The following QTGAL variants were observed in gnomAD, a reference collection of about 807,000 sequenced individuals.
QTGAL encodes BGnT-like protein 1.
chr17:83,030,711 C>G, the QTGAL span: 1 of 152,432 alleles, frequency 6.6e-6, no homozygotes, highest in Non-Finnish European at 1.5e-5. Flanking sequence ...GCGCCCGCCC[C>G]GCCTTGGCCC....
chr17:83,048,987 G>A, the QTGAL span: 16 of 554,490 alleles, frequency 2.9e-5, no homozygotes, highest in Admixed American at 4.0e-4. Context: ...GTTTTTGAAA[G>A]TGAAAAAAAA....
the QTGAL span, chr17:82,945,592 T>C: frequency 6.6e-6 from 1 of 152,338 alleles, no homozygotes; most frequent in South Asian, 2.1e-4. Flanking sequence ...AATTAAGTCA[T>C]TTAGATAAAA....
the QTGAL span, among the ~76,000 whole-genome samples, chr17:83,042,731 C>A: frequency 6.6e-6 from 1 of 152,274 alleles, no homozygotes; most frequent in South Asian, 2.1e-4. Context: ...GGACTAAATT[C>A]TCCAATTAAA....
At chr17:83,008,032 C>A in the QTGAL span, among the ~76,000 whole-genome samples, 1 of 152,252 alleles carries the variant, frequency 6.6e-6, no homozygotes, top group African/African-American at 2.4e-5. Flanking sequence ...GGAGACCTCG[C>A]GCTCTCAAGA....
the QTGAL span, among the ~76,000 whole-genome samples, chr17:82,966,752 C>T: frequency 2.0e-5 from 3 of 152,110 alleles, no homozygotes; most frequent in African/African-American, 4.8e-5. Flanking sequence ...GGAGAACATT[C>T]GTGATTATGG....
the QTGAL span, among the ~76,000 whole-genome samples, chr17:82,988,965 C>T: frequency 6.6e-6 from 1 of 152,154 alleles, no homozygotes; most frequent in East Asian, 1.9e-4. Context: ...GGATCTACAA[C>T]CAGAAATGCC....
At chr17:82,969,900 G>A in the QTGAL span, among the ~76,000 whole-genome samples, 1 of 152,040 alleles carries the variant, frequency 6.6e-6, no homozygotes, top group Non-Finnish European at 1.5e-5. Context: ...GGCTGGTCTT[G>A]AACTCCTGAG....
the QTGAL span, among the ~76,000 whole-genome samples, chr17:83,004,680 G>C: frequency 3.6e-5 from 5 of 139,848 alleles, no homozygotes; most frequent in East Asian, 6.8e-4. Context: ...ACCCTCCGCA[G>C]TCCGCGTGTG....
the QTGAL span, among the ~76,000 whole-genome samples, chr17:82,998,192 T>G: frequency 6.6e-6 from 1 of 152,148 alleles, no homozygotes; most frequent in Non-Finnish European, 1.5e-5. Context: ...GTGATTATCA[T>G]GCACTGCATG....
chr17:83,011,057 C>G, the QTGAL span, among the ~76,000 whole-genome samples: 1 of 152,230 alleles, frequency 6.6e-6, no homozygotes, highest in Non-Finnish European at 1.5e-5. Flanking sequence ...GCCAGGGCAG[C>G]CTTCGTGTTT....
chr17:83,027,722 A>AAAAAAAAAAC, the QTGAL span, among the ~76,000 whole-genome samples: 1 of 151,390 alleles, frequency 6.6e-6, no homozygotes, highest in Non-Finnish European at 1.5e-5. Context: ...AAAAAAAAAA[A>AAAAAAAAAAC]AAGCAAGCCA....
the QTGAL span, among the ~76,000 whole-genome samples, chr17:83,046,888 CAGA>C: frequency 6.6e-6 from 1 of 152,174 alleles, no homozygotes; most frequent in Non-Finnish European, 1.5e-5. Flanking sequence ...ATCATCCTCC[CAGA>C]AAAAGGAACG....
the QTGAL span, among the ~76,000 whole-genome samples, chr17:83,051,158 T>A: frequency 2.9e-5 from 1 of 33,986 alleles, no homozygotes; most frequent in Admixed American, 4.0e-4. Context: ...GGGGCAGGTG[T>A]GCGGGGGCGG....
At chr17:82,964,304 A>C in the QTGAL span, among the ~76,000 whole-genome samples, 1 of 151,418 alleles carries the variant, frequency 6.6e-6, no homozygotes, top group Non-Finnish European at 1.5e-5. Flanking sequence ...AATGAAGACT[A>C]AATTACAAAA....
chr17:82,947,387 C>A, the QTGAL span: 1 of 187,038 alleles, frequency 5.3e-6, no homozygotes, highest in Non-Finnish European at 1.1e-5. Flanking sequence ...ACAGAAACTG[C>A]ATCTCAGAAC....
At chr17:82,989,887 G>A in the QTGAL span, among the ~76,000 whole-genome samples, 6 of 152,108 alleles carry the variant, frequency 3.9e-5, no homozygotes, top group Admixed American at 6.5e-5. Context: ...TATACCACAG[G>A]AGTATATTAC....
the QTGAL span, among the ~76,000 whole-genome samples, chr17:82,997,724 T>C: frequency 6.6e-6 from 1 of 152,064 alleles, no homozygotes; most frequent in Non-Finnish European, 1.5e-5. Flanking sequence ...TGCAACAACA[T>C]AGACGGCACT....
At chr17:83,050,632 C>T in the QTGAL span, among the ~76,000 whole-genome samples, 1 of 152,246 alleles carries the variant, frequency 6.6e-6, no homozygotes, top group Non-Finnish European at 1.5e-5. Context: ...GACTGCTAAT[C>T]CTACATCCCT....
At chr17:83,045,369 A>T in the QTGAL span, among the ~76,000 whole-genome samples, 2 of 152,364 alleles carry the variant, frequency 1.3e-5, no homozygotes, top group East Asian at 3.8e-4. Flanking sequence ...GGAAAAACTG[A>T]GTATCTACTT....
Sources: gnomAD v4.1 joint callset for allele counts (sites outside exome capture counted in the v4.1 genomes callset) on GRCh38, gnomAD v4.1.1 for gene constraint, MANE v1.5 for transcripts, NCBI Gene and HGNC (gene_info 2026-07-23, HGNC 2026-07-21) for gene names.